The following BTRC variants were observed in gnomAD, a reference collection of about 807,000 sequenced individuals.
BTRC encodes the protein F-box/WD repeat-containing protein 1A.
Under a neutral mutation model 85.5 loss-of-function variants are expected in BTRC, and 42 were observed. The observed-to-expected ratio is 0.49, with a 90% CI of 0.38 to 0.64. The LOEUF is 0.64. Ranked by LOEUF, BTRC falls within the 30% of genes least tolerant of loss-of-function variation. The pLI, the probability that BTRC is intolerant of heterozygous loss-of-function variation, is 0.00. For missense variants in BTRC, 594 were observed against 743.5 expected (o/e 0.80, Z 2.34); for synonymous variants, 255 against 263.3 (o/e 0.97, Z 0.30).
intron 4 of BTRC, among the ~76,000 whole-genome samples, chr10:101,512,871 G>A (rs970039867): frequency 6.6e-6 from 1 of 152,184 alleles, no homozygotes; most frequent in Admixed American, 6.5e-5. Flanking sequence ...AGAAGAGGGA[G>A]ATGTGCAGGG....
intron 1 of BTRC, among the ~76,000 whole-genome samples, chr10:101,419,017 T>TC (rs996362217): frequency 1.3e-5 from 2 of 150,398 alleles, no homozygotes; most frequent in African/African-American, 4.9e-5. Flanking sequence ...TTTCTTTCTT[T>TC]TTTTTTTTTT....
chr10:101,517,531 T>C (rs1027330730), intron 4 of BTRC, among the ~76,000 whole-genome samples: 2 of 152,242 alleles, frequency 1.3e-5, no homozygotes, highest in Non-Finnish European at 2.9e-5. Context: ...TGAGTATGTC[T>C]GAGCAGGGAT....
chr10:101,376,292 TC>T (rs1293147084), intron 1 of BTRC, among the ~76,000 whole-genome samples: 1 of 152,202 alleles, frequency 6.6e-6, no homozygotes, highest in East Asian at 1.9e-4. Flanking sequence ...GCCACTGCAC[TC>T]CAGCATGTGT....
At chr10:101,434,469 A>C (rs555851186) in intron 2 of BTRC, among the ~76,000 whole-genome samples, 1 of 152,340 alleles carries the variant, frequency 6.6e-6, no homozygotes, top group African/African-American at 2.4e-5. Context: ...ATCGGAGTTA[A>C]CATGTATAAA....
chr10:101,421,469 A>G (rs1944097522), intron 1 of BTRC, among the ~76,000 whole-genome samples: 1 of 151,938 alleles, frequency 6.6e-6, no homozygotes, highest in African/African-American at 2.4e-5. Flanking sequence ...GGGTCTGTTT[A>G]TTTTTATTTT....
intron 13 of BTRC, among the ~76,000 whole-genome samples, chr10:101,546,552 C>CT (rs2062561708): frequency 6.6e-6 from 1 of 152,010 alleles, no homozygotes; most frequent in South Asian, 2.1e-4. Flanking sequence ...GAAAGCAGTG[C>CT]TTAGAGGGAA....
At chr10:101,458,660 G>A (rs770565465) in intron 2 of BTRC, among the ~76,000 whole-genome samples, 12 of 152,164 alleles carry the variant, frequency 7.9e-5, no homozygotes, top group Middle Eastern at 3.4e-3. Flanking sequence ...TCATGGCCTT[G>A]ACATTTCTTA....
At chr10:101,434,041 A>C (rs968646045) in intron 2 of BTRC, among the ~76,000 whole-genome samples, 1 of 152,200 alleles carries the variant, frequency 6.6e-6, no homozygotes, top group African/African-American at 2.4e-5. Flanking sequence ...TTTATGAAAA[A>C]TATATTTTTC....
At chr10:101,459,878 A>G (rs1392782905) in intron 2 of BTRC, among the ~76,000 whole-genome samples, 2 of 152,180 alleles carry the variant, frequency 1.3e-5, no homozygotes, top group South Asian at 4.1e-4. Context: ...TTTTCACTTT[A>G]TAATTCAGTA....
intron 1 of BTRC, among the ~76,000 whole-genome samples, chr10:101,355,046 A>G (rs1260319358): frequency 6.6e-6 from 1 of 152,212 alleles, no homozygotes; most frequent in African/African-American, 2.4e-5. Context: ...GCAGATTGTC[A>G]GGGAAACATG....
chr10:101,414,734 TA>T (rs1554873271), intron 1 of BTRC: 1 of 447,506 alleles, frequency 2.2e-6, no homozygotes, highest in Non-Finnish European at 4.5e-6. Context: ...TAGGCTAATG[TA>T]ATGTGTGTGT....
chr10:101,502,300 T>C, intron 4 of BTRC, among the ~76,000 whole-genome samples: 1 of 152,176 alleles, frequency 6.6e-6, no homozygotes, highest in East Asian at 1.9e-4. Context: ...AGAGTCTTGT[T>C]ACCATTCTGA....
In BTRC at chr10:101,393,454, A is replaced by G. The variant is rs1236671023; in HGVS notation, c.49-36891A>G. ...ATGGGGGACAATCTTGGAGCTCTCA[A>G]GATGAGGCCCGAGGCTCTCTTTTAA... On this transcript the variant is annotated intron_variant, in intron 1 of 14. Transcript: ENST00000370187. 5.3e-5 allele frequency among the ~76,000 whole-genome samples: 8 copies of G among 152,166 alleles called. No homozygotes were observed. In the East Asian group the frequency reaches 9.6e-4, roughly 18 times the overall value.
chr10:101,383,653 C>T (rs1489354562), intron 1 of BTRC, among the ~76,000 whole-genome samples: 1 of 152,154 alleles, frequency 6.6e-6, no homozygotes, highest in Non-Finnish European at 1.5e-5. Flanking sequence ...GCATGAGCCA[C>T]TGTGCTGACC....
intron 1 of BTRC, among the ~76,000 whole-genome samples, chr10:101,420,335 C>T (rs926615358): frequency 1.8e-4 from 27 of 152,064 alleles, no homozygotes; most frequent in Non-Finnish European, 2.6e-4. Flanking sequence ...ATTTCTCACC[C>T]CATACTTCAT....
At chr10:101,368,834 C>T (rs114782347) in intron 1 of BTRC, among the ~76,000 whole-genome samples, 104 of 152,120 alleles carry the variant, frequency 6.8e-4, no homozygotes, top group African/African-American at 2.5e-3. Context: ...GCCTGGCTAA[C>T]GTGGTGAAAC....
At chr10:101,401,508 G>C (rs1269226003) in intron 1 of BTRC, among the ~76,000 whole-genome samples, 1 of 152,140 alleles carries the variant, frequency 6.6e-6, no homozygotes, top group East Asian at 1.9e-4. Flanking sequence ...GCAGTGTTGT[G>C]ATGCCCTGCT....
At chr10:101,533,902 G>A (rs2062340045) in intron 9 of BTRC, among the ~76,000 whole-genome samples, 1 of 152,148 alleles carries the variant, frequency 6.6e-6, no homozygotes, top group African/African-American at 2.4e-5. Context: ...GGTGCTTGTG[G>A]AGTGAGTGCC....
intron 1 of BTRC, among the ~76,000 whole-genome samples, chr10:101,418,758 T>C (rs1461787150): frequency 6.6e-6 from 1 of 152,072 alleles, no homozygotes; most frequent in Non-Finnish European, 1.5e-5. Flanking sequence ...GTTTGGTACG[T>C]AGGTAAACAT....
Sources: gnomAD v4.1 joint callset for allele counts (sites outside exome capture counted in the v4.1 genomes callset) on GRCh38, gnomAD v4.1.1 for gene constraint, MANE v1.5 for transcripts, NCBI Gene and HGNC (gene_info 2026-07-23, HGNC 2026-07-21) for gene names.